The following FAM83G variants were observed in gnomAD, a reference collection of about 807,000 sequenced individuals.
FAM83G encodes the protein protein FAM83G.
In FAM83G, 38 loss-of-function variants were observed where a neutral mutation model predicts 61.5. That is an observed-to-expected ratio of 0.62 (90% CI 0.48 to 0.81). The LOEUF is 0.81. Among genes scored for constraint, FAM83G ranks in the 30% least tolerant of loss-of-function variants. The pLI is 0.00. For missense variants in FAM83G, 989 were observed against 1,133.6 expected (o/e 0.87, Z 1.83); for synonymous variants, 470 against 476.1 (o/e 0.99, Z 0.17).
chr17:18,973,606 A>C (rs1214531041), intron 5 of FAM83G, among the ~76,000 whole-genome samples: 4 of 151,932 alleles, frequency 2.6e-5, no homozygotes, highest in Admixed American at 2.6e-4. Flanking sequence ...TAGAGGTCTG[A>C]CTCCACTTTG....
Position 18,977,768 on chromosome 17 carries a change from T to C in FAM83G, c.1898A>G (p.His633Arg). The C allele has an allele frequency of 6.2e-7, 1 of 1,603,746 alleles. No homozygotes were observed. Among genetic ancestry groups the C allele is most frequent in the South Asian group, 1.1e-5 (1 of 89,600 alleles). ...REHSVPLRRR[H>R]SEQVANGPTP... ...TGGCCCGTTGGCCACTTGCTCTGAG[T>C]GGCGCCTCCGGAGAGGGACTGAGTG... Residue 633 changes from histidine to arginine, a missense_variant, in exon 5 of 6, where the codon CAC (histidine) becomes CGC (arginine). His to Arg is a conservative substitution (Grantham distance 29, BLOSUM62 0). This residue lies in a region of FAM83G where 574 missense variants were observed against 645.1 expected (regional missense o/e 0.89). Transcript: ENST00000388995.
intron 2 of FAM83G, among the ~76,000 whole-genome samples, chr17:18,997,518 T>C (rs2043597836): frequency 1.3e-5 from 2 of 152,180 alleles, no homozygotes; most frequent in African/African-American, 2.4e-5. Flanking sequence ...CTCAAAACTA[T>C]AGATTCAAAA....
At position 18,971,137 on chromosome 17, in the gene FAM83G, C is replaced by G. The variant is rs1268192687; in HGVS notation, c.*222G>C. The G allele has an allele frequency of 1.2e-6, 2 of 1,614,138 alleles. No individual in the cohort carries two copies. Among genetic ancestry groups the G allele is most frequent in the Admixed American group, 3.3e-5 (2 of 60,032 alleles). The stretch of plus-strand genomic sequence containing the variant: ...CAGACGCCATGCACATGTTTCGAGA[C>G]CCCCACACAGGGGACCTGCCGTGGA... On this transcript the variant is annotated 3_prime_UTR_variant, in exon 6 of 6. Transcript: ENST00000388995. This position sits in a 1 kb window ranked among gnomAD's most constrained non-coding sequence, Gnocchi z 5.5.
chr17:18,991,125 A>G (rs2043411335), intron 2 of FAM83G, among the ~76,000 whole-genome samples: 1 of 152,224 alleles, frequency 6.6e-6, no homozygotes, highest in South Asian at 2.1e-4. Flanking sequence ...GCACAGAGGC[A>G]TTCGCCACCT....
chr17:18,969,393 T>C lies in FAM83G; in HGVS notation c.*1966A>G, dbSNP rs780644827. ...GACGCCCTGCAGACGCTCATCATGGTGGTGGGGGCTGTCATCCTGACAATC... is the reference window on the plus strand; with the variant it reads ...GACGCCCTGCAGACGCTCATCATGGCGGTGGGGGCTGTCATCCTGACAATC... On this transcript the variant is annotated 3_prime_UTR_variant, in exon 6 of 6. Transcript: ENST00000388995. The C allele has an allele frequency of 1.2e-6, 2 of 1,613,636 alleles. No homozygotes were observed. Among genetic ancestry groups the C allele is most frequent in the South Asian group, 2.2e-5 (2 of 91,072 alleles).
intron 2 of FAM83G, among the ~76,000 whole-genome samples, chr17:18,997,417 C>G (rs2043595959): frequency 1.3e-5 from 2 of 152,276 alleles, no homozygotes; most frequent in Non-Finnish European, 1.5e-5. Flanking sequence ...ATCCTCAGAG[C>G]TTCCAGGCTT....
intron 5 of FAM83G, among the ~76,000 whole-genome samples, chr17:18,974,507 C>T (rs1238611378): frequency 6.6e-6 from 1 of 152,248 alleles, no homozygotes; most frequent in African/African-American, 2.4e-5. Context: ...AGAAGGCCTC[C>T]CAGGGTCCTG....
At chr17:18,972,340 T>C (rs1367466652) in intron 5 of FAM83G, among the ~76,000 whole-genome samples, 1 of 152,204 alleles carries the variant, frequency 6.6e-6, no homozygotes, top group Non-Finnish European at 1.5e-5. Flanking sequence ...AGCCAGCCTC[T>C]GTGGAATGAA....
At chr17:18,990,390 C>T (rs1009909138) in intron 2 of FAM83G, among the ~76,000 whole-genome samples, 1 of 152,092 alleles carries the variant, frequency 6.6e-6, no homozygotes, top group African/African-American at 2.4e-5. Context: ...GACCCAAAGC[C>T]TCTCCAGCCC....
At position 18,993,535 on chromosome 17, in the gene FAM83G, G is replaced by A. The variant is rs549590628; in HGVS notation, c.523-5121C>T. 2.1e-4 allele frequency among the ~76,000 whole-genome samples: 32 copies of A among 152,212 alleles called. No individual in the cohort carries two copies. In the East Asian group the frequency reaches 4.6e-3, roughly 22 times the overall value. Reference sequence around the variant, plus strand: ...GGCGGCTCAGAGAGAGGAGAGAGGCGGCCATATTCTCTCTCCTCACTATGC... The same window carrying A: ...GGCGGCTCAGAGAGAGGAGAGAGGCAGCCATATTCTCTCTCCTCACTATGC... On this transcript the variant is annotated intron_variant, in intron 2 of 5. Transcript: ENST00000388995.
In FAM83G at chr17:18,988,524, AC is replaced by A. The variant is rs367885813; in HGVS notation, c.523-111del. On this transcript the variant is annotated intron_variant, in intron 2 of 5. Transcript: ENST00000388995. Reference sequence around the variant, plus strand: ...TGCCACCAGCCTCTCACAGGTGCCCACTCTGGCCCTACTCCTGGAGCCTCAG... The same window carrying A: ...TGCCACCAGCCTCTCACAGGTGCCCATCTGGCCCTACTCCTGGAGCCTCAG... 2.7e-5 allele frequency: 41 copies of A among 1,524,138 alleles called. No individual in the cohort carries two copies. The East Asian group carries it at 7.9e-4, about 29-fold the overall frequency. 94.4% of individuals were successfully genotyped at this position (1,524,138 alleles called of 1,614,324 possible). A position where few individuals can be genotyped will look rare whatever the true frequency, so the allele number is the denominator to read the frequency against.
intron 2 of FAM83G, among the ~76,000 whole-genome samples, chr17:18,991,555 C>T (rs2043425346): frequency 6.6e-6 from 1 of 152,152 alleles, no homozygotes; most frequent in Non-Finnish European, 1.5e-5. Flanking sequence ...GCTGTTATGT[C>T]AGGGGCCACA....
chr17:18,992,628 C>T (rs1020039667), intron 2 of FAM83G, among the ~76,000 whole-genome samples: 2 of 152,184 alleles, frequency 1.3e-5, no homozygotes, highest in African/African-American at 2.4e-5. Context: ...GTGGAGCGGG[C>T]GGAGTCGGTC....
Sources: allele counts gnomAD v4.1 joint callset (sites outside exome capture counted in the v4.1 genomes callset), GRCh38; gene constraint gnomAD v4.1.1; regional missense constraint gnomAD v4.1.1; non-coding constraint Gnocchi (gnomAD v3.1); transcripts MANE v1.5; gene names NCBI Gene and HGNC (gene_info 2026-07-23, HGNC 2026-07-21).